Variants in PPP3CA observed in about 807,000 individuals in gnomAD.
PPP3CA encodes the protein protein phosphatase 3 catalytic subunit alpha.
PPP3CA carries 14 observed loss-of-function variants against 66.5 expected under a neutral mutation model. That is an observed-to-expected ratio of 0.21 (90% CI 0.14 to 0.33). The LOEUF is 0.33. Among genes scored for constraint, PPP3CA ranks in the 10% least tolerant of loss-of-function variants. The pLI is 1.00. For synonymous variants in PPP3CA, 232 were observed against 226.2 expected (o/e 1.03, Z -0.23); for missense variants, 317 against 639.5 (o/e 0.50, Z 5.44).
chr4:101,147,831 A>G (rs921113247), intron 2 of PPP3CA, among the ~76,000 whole-genome samples: 30 of 152,272 alleles, frequency 2.0e-4, no homozygotes, highest in African/African-American at 7.2e-4. Flanking sequence ...TATTTATCAA[A>G]TTAGAAACTA....
chr4:101,049,902 A>G (rs1282693254), intron 10 of PPP3CA, among the ~76,000 whole-genome samples: 1 of 152,136 alleles, frequency 6.6e-6, no homozygotes, highest in Non-Finnish European at 1.5e-5. Context: ...GACCGTGGAG[A>G]ATGGCTGAGG....
chr4:101,070,252 G>A (rs1049610717), intron 8 of PPP3CA, among the ~76,000 whole-genome samples: 8 of 151,572 alleles, frequency 5.3e-5, no homozygotes, highest in Non-Finnish European at 1.2e-4. Flanking sequence ...AAAAACCTAA[G>A]GAATGAAAAT....
chr4:101,299,986 T>A (rs1459927431), intron 1 of PPP3CA, among the ~76,000 whole-genome samples: 2 of 152,162 alleles, frequency 1.3e-5, no homozygotes, highest in African/African-American at 4.8e-5. Context: ...AATAATCTCT[T>A]AAAAGCATAA....
chr4:101,172,512 G>A (rs906990993), intron 2 of PPP3CA, among the ~76,000 whole-genome samples: 3 of 151,372 alleles, frequency 2.0e-5, no homozygotes, highest in Non-Finnish European at 4.4e-5. Flanking sequence ...AACAGAGTTA[G>A]TCACAGTTCC....
intron 2 of PPP3CA, among the ~76,000 whole-genome samples, chr4:101,147,087 G>A (rs1440565448): frequency 2.0e-5 from 3 of 152,174 alleles, no homozygotes; most frequent in African/African-American, 4.8e-5. Context: ...ATTTGCTACA[G>A]ATCACATAGC....
chr4:101,102,262 A>AAGGAAGGGAGGG lies in PPP3CA; in HGVS notation c.385-2552_385-2541dup, dbSNP rs1280235961. On this transcript the variant is annotated intron_variant, in intron 3 of 13. Transcript: ENST00000394854. ...AGGGAGGCAGAGAAAGGAAGGAAGG[A>AAGGAAGGGAGGG]AGGAAGGGAGGGAGGAAGGGAGGGA... 5.7e-4 allele frequency among the ~76,000 whole-genome samples: 84 copies of AAGGAAGGGAGGG among 148,638 alleles called. No individual in the cohort carries two copies. In the East Asian group the frequency reaches 6.7e-3, roughly 12 times the overall value.
intron 2 of PPP3CA, among the ~76,000 whole-genome samples, chr4:101,191,825 G>A (rs1168327514): frequency 6.6e-6 from 1 of 152,138 alleles, no homozygotes; most frequent in Non-Finnish European, 1.5e-5. Context: ...CAAAGCCAGA[G>A]GGTTCTCCTG....
chr4:101,330,448 C>G, intron 1 of PPP3CA: 1 of 533,306 alleles, frequency 1.9e-6, no homozygotes, highest in Non-Finnish European at 3.9e-6. Context: ...GCAACAGCCA[C>G]CCCAAGACAC....
intron 2 of PPP3CA, among the ~76,000 whole-genome samples, chr4:101,122,065 A>T (rs1395549865): frequency 2.0e-5 from 3 of 152,184 alleles, no homozygotes; most frequent in Non-Finnish European, 4.4e-5. Context: ...TTCCCTGCAC[A>T]TGTTTCCTGG....
intron 1 of PPP3CA, among the ~76,000 whole-genome samples, chr4:101,344,900 T>C (rs1387660330): frequency 6.6e-6 from 1 of 152,200 alleles, no homozygotes; most frequent in Non-Finnish European, 1.5e-5. Context: ...GATCTTAACC[T>C]AGATTGGAGC....
At chr4:101,231,127 C>T (rs1337302219) in intron 1 of PPP3CA, among the ~76,000 whole-genome samples, 2 of 151,680 alleles carry the variant, frequency 1.3e-5, no homozygotes, top group Admixed American at 1.3e-4. Context: ...TCTTTCCCAC[C>T]TCCACTTGCT....
intron 1 of PPP3CA, among the ~76,000 whole-genome samples, chr4:101,196,620 GA>G (rs1226039001): frequency 6.6e-6 from 1 of 152,138 alleles, no homozygotes; most frequent in Non-Finnish European, 1.5e-5. Flanking sequence ...AAAACAGCAG[GA>G]ATCTGAAAGC....
At chr4:101,180,077 C>T (rs1436400221) in intron 2 of PPP3CA, among the ~76,000 whole-genome samples, 1 of 152,064 alleles carries the variant, frequency 6.6e-6, no homozygotes, top group Non-Finnish European at 1.5e-5. Flanking sequence ...TGCAAGTTGG[C>T]CAACATTAAG....
chr4:101,065,674 C>T (rs922900133), intron 8 of PPP3CA, among the ~76,000 whole-genome samples: 3 of 152,080 alleles, frequency 2.0e-5, no homozygotes, highest in Non-Finnish European at 4.4e-5. Flanking sequence ...TTCTTTCATT[C>T]CCTGCTGTCT....
At chr4:101,230,465 G>A (rs745613729) in intron 1 of PPP3CA, among the ~76,000 whole-genome samples, 3 of 151,590 alleles carry the variant, frequency 2.0e-5, no homozygotes, top group Non-Finnish European at 3.0e-5. Flanking sequence ...GCTGCAGCGA[G>A]CCATGATAAC....
chr4:101,258,992 A>G (rs1726927996), intron 1 of PPP3CA, among the ~76,000 whole-genome samples: 1 of 152,076 alleles, frequency 6.6e-6, no homozygotes, highest in Non-Finnish European at 1.5e-5. Flanking sequence ...CCATCTGGAG[A>G]GCAGATGACA....
At chr4:101,151,548 G>T (rs1723137947) in intron 2 of PPP3CA, among the ~76,000 whole-genome samples, 1 of 129,898 alleles carries the variant, frequency 7.7e-6, no homozygotes, top group Non-Finnish European at 1.6e-5. Flanking sequence ...CACAAAGCAA[G>T]ACTCTGTATC....
intron 2 of PPP3CA, among the ~76,000 whole-genome samples, chr4:101,170,347 GA>G (rs1409081977): frequency 2.6e-5 from 4 of 152,100 alleles, no homozygotes; most frequent in Non-Finnish European, 4.4e-5. Context: ...CAAAGTACCT[GA>G]GATGTTAGGC....
At chr4:101,122,074 G>A (rs1722049413) in intron 2 of PPP3CA, among the ~76,000 whole-genome samples, 1 of 152,098 alleles carries the variant, frequency 6.6e-6, no homozygotes, top group African/African-American at 2.4e-5. Context: ...CATGTTTCCT[G>A]GGAAGTGATG....
Sources: gnomAD v4.1 joint callset for allele counts (sites outside exome capture counted in the v4.1 genomes callset) on GRCh38, gnomAD v4.1.1 for gene constraint, MANE v1.5 for transcripts, NCBI Gene and HGNC (gene_info 2026-07-23, HGNC 2026-07-21) for gene names.